GPR137: variants seen among roughly 807,000 people sequenced by gnomAD.
The protein encoded by GPR137 is G protein-coupled receptor 137, also known as integral membrane protein GPR137.
GPR137 carries 20 observed loss-of-function variants against 38.9 expected under a neutral mutation model. The ratio of observed to expected loss-of-function variants is 0.51; its 90% confidence interval spans 0.36 to 0.75. The LOEUF is 0.75. Ranked by LOEUF, GPR137 falls within the 30% of genes least tolerant of loss-of-function variation. The pLI is 0.00. For synonymous variants in GPR137, 226 were observed against 235.8 expected (o/e 0.96, Z 0.38); for missense variants, 456 against 526.4 (o/e 0.87, Z 1.31).
In GPR137 at chr11:64,286,137, A is replaced by C; in HGVS notation, c.-388A>C. On this transcript the variant is annotated 5_prime_UTR_variant, in exon 1 of 7. Coordinates refer to ENST00000438980, the MANE Select transcript of GPR137 (RefSeq NM_001170880.2). ...CGGCCGCTGCCCTGACCCGACGGGT[A>C]TCAGCCGGCTCTCCCCCTCCACCCA... The C allele has an allele frequency of 1.1e-5, 11 of 1,009,974 alleles. No homozygotes were observed. Among genetic ancestry groups the C allele is most frequent in the East Asian group, 9.5e-5 (1 of 10,514 alleles). 62.6% of individuals were successfully genotyped at this position (1,009,974 alleles called of 1,614,324 possible). A position where few individuals can be genotyped will look rare whatever the true frequency, so the allele number is the denominator to read the frequency against.
At position 64,286,231 on chromosome 11, in the gene GPR137, T is replaced by C; in HGVS notation, c.-294T>C. 8.2e-7 allele frequency: 1 copy of C among 1,213,418 alleles called. No homozygotes were observed. The highest frequency in any genetic ancestry group is 1.0e-6 in the Non-Finnish European group (1 of 972,594). 75.2% of individuals were successfully genotyped at this position (1,213,418 alleles called of 1,614,324 possible). On this transcript the variant is annotated 5_prime_UTR_variant, in exon 1 of 7. Coordinates refer to ENST00000438980, the MANE Select transcript of GPR137 (RefSeq NM_001170880.2). ...CTCTGCATCCCCCCATCCTTGGCTCTGGGGTAGGCCCAGGGAGGAGACACC... is the reference window on the plus strand; with the variant it reads ...CTCTGCATCCCCCCATCCTTGGCTCCGGGGTAGGCCCAGGGAGGAGACACC...
In GPR137 at chr11:64,288,288, A is replaced by G. The variant is rs1471145675; in HGVS notation, c.784-52A>G. The G allele has an allele frequency of 1.2e-6, 2 of 1,612,234 alleles. No homozygotes were observed. Among genetic ancestry groups the G allele is most frequent in the Admixed American group, 3.3e-5 (2 of 59,982 alleles). On this transcript the variant is annotated intron_variant, in intron 4 of 6. Transcript: ENST00000438980. This position sits in a 1 kb window ranked among gnomAD's most constrained non-coding sequence, Gnocchi z 5.5. ...CCCCAGCTGGCCTGGGCCCTGTCCC[A>G]CTACCCCTTTGGCGTGACTGCAGAC...
At chr11:64,279,879 C>T (rs1434253285), upstream of GPR137, among the ~76,000 whole-genome samples, 3 of 151,928 alleles carry the variant, frequency 2.0e-5, no homozygotes, top group Non-Finnish European at 4.4e-5. Flanking sequence ...CTACCGGGTG[C>T]TCAAGCCAGA....
At chr11:64,272,537 C>T (rs1393164923), upstream of GPR137, among the ~76,000 whole-genome samples, 1 of 152,176 alleles carries the variant, frequency 6.6e-6, no homozygotes, top group East Asian at 1.9e-4. Flanking sequence ...GCTACATGTC[C>T]GCATCCCCCA....
rs1263398829 is a variant in GPR137, at chr11:64,286,569, G to A, written c.45G>A (p.Val15=). 1 of 1,613,386 alleles carries A rather than the reference G, an allele frequency of 6.2e-7. No homozygotes were observed. Among genetic ancestry groups the A allele is most frequent in the African/African-American group, 1.3e-5 (1 of 74,894 alleles). The part of the protein sequence containing the change: ...LSGLVPAAGL[V]PALPPAVTLG... ...GCCTGGTGCCTGCTGCCGGGCTGGT[G>A]CCTGCGCTGCCACCTGCTGTGACCC... Residue 15 remains valine (V), a synonymous_variant, in exon 1 of 7, where the codon GTG becomes GTA. Transcript: ENST00000438980.
At chr11:64,284,321 G>T, upstream of GPR137, 1 of 1,612,768 alleles carries the variant, frequency 6.2e-7, no homozygotes. Context: ...TCTCTGCAGA[G>T]CTGGAGTCTT....
Position 64,287,866 on chromosome 11 carries a change from A to C in GPR137, c.553A>C (p.Ile185Leu). The change falls in exon 3 of 7, where the codon ATC (isoleucine) becomes CTC (leucine). Residue 185 changes from isoleucine to leucine, a missense_variant. Transcript: ENST00000438980. ...CCTGGTGAGCGACTCCCTGTTCGTCATCTGCGCGCTGTCTCTTGCTGCCTG... is the reference window on the plus strand; with the variant it reads ...CCTGGTGAGCGACTCCCTGTTCGTCCTCTGCGCGCTGTCTCTTGCTGCCTG... ...RVLVSDSLFV[I>L]CALSLAACLC... The C allele has an allele frequency of 6.2e-7, 1 of 1,604,516 alleles. No homozygotes were observed. The highest frequency in any genetic ancestry group is 8.5e-7 in the Non-Finnish European group (1 of 1,179,912).
In GPR137 at chr11:64,286,808, T is replaced by A. The variant is rs2034130606; in HGVS notation, c.284T>A (p.Phe95Tyr). 1.2e-6 allele frequency: 2 copies of A among 1,602,966 alleles called. No homozygotes were observed. The highest frequency in any genetic ancestry group is 1.7e-6 in the Non-Finnish European group (2 of 1,173,086). ...GCCAACCGCCTGGGGCCCTTGCCCT[T>A]CTGGCTTCTCTACTGCTGCCCCGTC... ...PRANRLGPLPFWLLYCCPVCL... is the reference protein window; with the variant it reads ...PRANRLGPLPYWLLYCCPVCL... Residue 95 changes from phenylalanine (F) to tyrosine (Y), a missense_variant, in exon 1 of 7, where the codon TTC (phenylalanine) becomes TAC (tyrosine). Transcript: ENST00000438980.
rs1420275740 is a variant in GPR137, at chr11:64,286,433, C to A, written c.-92C>A. ...TGAGCGCCCCATCTCCCTCTCTGCA[C>A]CCTGCAATTCCCACCCCTCCGTATT... On this transcript the variant is annotated 5_prime_UTR_variant, in exon 1 of 7. Coordinates refer to ENST00000438980, the MANE Select transcript of GPR137 (RefSeq NM_001170880.2). 1 of 1,522,688 alleles carries A rather than the reference C, an allele frequency of 6.6e-7. No individual in the cohort carries two copies. Among genetic ancestry groups the A allele is most frequent in the Non-Finnish European group, 8.8e-7 (1 of 1,137,544 alleles). The allele number at this position is 1,522,688 out of a possible 1,614,324, so 94.3% of individuals were successfully genotyped here. A position where few individuals can be genotyped will look rare whatever the true frequency, so the allele number is the denominator to read the frequency against.
chr11:64,273,619 G>A (rs2032807739), upstream of GPR137, among the ~76,000 whole-genome samples: 1 of 152,028 alleles, frequency 6.6e-6, no homozygotes, highest in African/African-American at 2.4e-5. Context: ...AGTGGCTCAC[G>A]CCTGTAATCC....
chr11:64,287,895 C>T lies in GPR137; in HGVS notation c.582C>T (p.Leu194=). The change falls in exon 3 of 7, where the codon CTC becomes CTT. Residue 194 remains leucine, a synonymous_variant. Transcript: ENST00000438980. ...VICALSLAAC[L]CLVARRAPST... ...GCGCGCTGTCTCTTGCTGCCTGCCTCTGCCTCGTCGCCAGGCGGGCGCCCT... is the reference window on the plus strand; with the variant it reads ...GCGCGCTGTCTCTTGCTGCCTGCCTTTGCCTCGTCGCCAGGCGGGCGCCCT... The T allele has an allele frequency of 6.2e-7, 1 of 1,603,174 alleles. No homozygotes were observed.
chr11:64,284,991 T>C, upstream of GPR137: 1 of 1,307,914 alleles, frequency 7.6e-7, no homozygotes, highest in South Asian at 1.7e-5. Flanking sequence ...GGCCTTAGTT[T>C]CCCCCCAGTG....
rs1052470500 is a variant in GPR137, at chr11:64,276,779, G to A, written c.-16+358G>A. 6 of 621,720 alleles carry A rather than the reference G, an allele frequency of 9.7e-6. No individual in the cohort carries two copies. The Admixed American group carries it at 1.5e-4, about 15-fold the overall frequency. 38.5% of individuals were successfully genotyped at this position (621,720 alleles called of 1,614,324 possible). On this transcript the variant is annotated intron_variant, in intron 2 of 2. Transcript: ENST00000538244. ...GAAGGGGTGTGGCTCCTCCTTGGGT[G>A]TGAACGTGGGTGGGTGCCCAGGCCT...
Position 64,286,520 on chromosome 11 carries a change from C to T in GPR137, c.-5C>T, listed in dbSNP as rs752889736. The T allele has an allele frequency of 2.5e-6, 4 of 1,602,786 alleles. No homozygotes were observed. In the African/African-American group the frequency reaches 5.4e-5, roughly 21 times the overall value. ...GTCTCCGGGATTCAGGCCTCCCTCCCTGACATGGAGAGTAACCTGTCTGGC... is the reference window on the plus strand; with the variant it reads ...GTCTCCGGGATTCAGGCCTCCCTCCTTGACATGGAGAGTAACCTGTCTGGC... On this transcript the variant is annotated 5_prime_UTR_variant, in exon 1 of 7. Transcript: ENST00000438980.
At position 64,286,235 on chromosome 11, in the gene GPR137, G is replaced by A; in HGVS notation, c.-290G>A. 1.6e-6 allele frequency: 2 copies of A among 1,224,192 alleles called. No individual in the cohort carries two copies. The highest frequency in any genetic ancestry group is 2.0e-6 in the Non-Finnish European group (2 of 979,180). 75.8% of individuals were successfully genotyped at this position (1,224,192 alleles called of 1,614,324 possible). A position where few individuals can be genotyped will look rare whatever the true frequency, so the allele number is the denominator to read the frequency against. The stretch of plus-strand genomic sequence containing the variant: ...GCATCCCCCCATCCTTGGCTCTGGG[G>A]TAGGCCCAGGGAGGAGACACCCCCA... On this transcript the variant is annotated 5_prime_UTR_variant, in exon 1 of 7. Coordinates refer to ENST00000438980, the MANE Select transcript of GPR137 (RefSeq NM_001170880.2).
Position 64,288,827 on chromosome 11 carries a change from G to A in GPR137, c.1031+106G>A, listed in dbSNP as rs973749682. 2 of 1,446,296 alleles carry A rather than the reference G, an allele frequency of 1.4e-6. No homozygotes were observed. The highest frequency in any genetic ancestry group is 1.8e-6 in the Non-Finnish European group (2 of 1,105,496). 89.6% of individuals were successfully genotyped at this position (1,446,296 alleles called of 1,614,324 possible). On this transcript the variant is annotated intron_variant, in intron 6 of 6. Coordinates refer to ENST00000438980, the MANE Select transcript of GPR137 (RefSeq NM_001170880.2). The surrounding 1 kb of genome is among the most constrained non-coding windows in gnomAD (Gnocchi z 5.5). ...TAGCCGGGTCTTGCCTTCCACCCCT[G>A]CCATGGCCTTTGCTTCCCCATCTGT...
Position 64,285,855 on chromosome 11 carries a change from C to CGGGAGCCG in GPR137, c.-660_-653dup, listed in dbSNP as rs1339292456. ...GCGGAGGGGGAGGGGGGCGGAGCAG[C>CGGGAGCCG]GGGAGCCGGGGAGCCGGAGCCCCGG... On this transcript the variant is annotated 5_prime_UTR_variant, in exon 1 of 7. Coordinates refer to ENST00000438980, the MANE Select transcript of GPR137 (RefSeq NM_001170880.2). 1.3e-5 allele frequency: 13 copies of CGGGAGCCG among 983,500 alleles called. No homozygotes were observed. The highest frequency in any genetic ancestry group is 9.4e-5 in the South Asian group (2 of 21,244). 60.9% of individuals were successfully genotyped at this position (983,500 alleles called of 1,614,324 possible).
upstream of GPR137, chr11:64,271,788 T>G: frequency 2.1e-6 from 3 of 1,412,804 alleles, no homozygotes; most frequent in Non-Finnish European, 2.8e-6. Flanking sequence ...ACTCCGGATC[T>G]CCACAGCCCC....
chr11:64,276,710 G>C, intron 2 of GPR137: 1 of 558,726 alleles, frequency 1.8e-6, no homozygotes, highest in Admixed American at 3.3e-5. Flanking sequence ...GAAGGAGAGG[G>C]CTGGGGCAGG....
Sources: gnomAD v4.1 joint callset for allele counts (sites outside exome capture counted in the v4.1 genomes callset) on GRCh38, gnomAD v4.1.1 for gene constraint, Gnocchi (gnomAD v3.1) non-coding constraint, MANE v1.5 for transcripts, NCBI Gene and HGNC (gene_info 2026-07-23, HGNC 2026-07-21) for gene names.